Variants in LRRC8D observed in about 807,000 individuals in gnomAD.
LRRC8D encodes volume-regulated anion channel subunit LRRC8D.
In LRRC8D, 20 loss-of-function variants were observed where a neutral mutation model predicts 55.8. That is an observed-to-expected ratio of 0.36 (90% CI 0.25 to 0.52). LRRC8D has a LOEUF of 0.52. Ranked by LOEUF, LRRC8D falls within the 20% of genes least tolerant of loss-of-function variation. The pLI is 0.93. For missense variants in LRRC8D, 651 were observed against 1,030.8 expected, an observed-to-expected ratio of 0.63 and a Z score of 5.05; for synonymous variants, 352 against 377.0, an observed-to-expected ratio of 0.93 and a Z score of 0.77.
At chr1:89,826,355 C>T (rs569719396) in intron 1 of LRRC8D, among the ~76,000 whole-genome samples, 1 of 152,274 alleles carries the variant, frequency 6.6e-6, no homozygotes, top group South Asian at 2.1e-4. Flanking sequence ...AGCTCCGCCT[C>T]CCGGGTTCAC....
chr1:89,871,478 T>C (rs577632528), intron 2 of LRRC8D, among the ~76,000 whole-genome samples: 2 of 152,306 alleles, frequency 1.3e-5, no homozygotes, highest in East Asian at 3.9e-4. Flanking sequence ...ATACATTCAT[T>C]TTATATTGTG....
chr1:89,883,868 A>G (rs575616276), intron 2 of LRRC8D, among the ~76,000 whole-genome samples: 1 of 152,322 alleles, frequency 6.6e-6, no homozygotes, highest in African/African-American at 2.4e-5. Flanking sequence ...TGAATCTGTC[A>G]GTGGAGAAAC....
chr1:89,930,339 G>A (rs748035170), intron 2 of LRRC8D, among the ~76,000 whole-genome samples: 4 of 152,090 alleles, frequency 2.6e-5, no homozygotes, highest in Non-Finnish European at 5.9e-5. Context: ...GGATTAAAGC[G>A]TGAACCACTA....
chr1:89,925,288 C>T (rs1663529058), intron 2 of LRRC8D, among the ~76,000 whole-genome samples: 7 of 152,222 alleles, frequency 4.6e-5, no homozygotes, highest in Middle Eastern at 3.4e-3. Context: ...CAGATGGGAC[C>T]GTCTAGTTGC....
At position 89,907,488 on chromosome 1, in the gene LRRC8D, C is replaced by T. The variant is rs371435575; in HGVS notation, c.-2-25579C>T. ...TACAAGTGCGAGCCACCATGTCCGGCCAGTCAGTTGTTTTAAATCGTGTAT... is the reference window on the plus strand; with the variant it reads ...TACAAGTGCGAGCCACCATGTCCGGTCAGTCAGTTGTTTTAAATCGTGTAT... On this transcript the variant is annotated intron_variant, in intron 2 of 2. Transcript: ENST00000337338. Among the ~76,000 whole-genome samples, 124 of 152,208 alleles carry T rather than the reference C, an allele frequency of 8.1e-4. 1 individual carries two copies. The highest frequency in any genetic ancestry group is 2.6e-3 in the African/African-American group (109 of 41,512).
intron 2 of LRRC8D, among the ~76,000 whole-genome samples, chr1:89,901,182 C>A (rs1040986344): frequency 3.3e-5 from 5 of 152,176 alleles, no homozygotes; most frequent in African/African-American, 1.2e-4. Flanking sequence ...GGAGAGCCTG[C>A]AGGCCTTTCA....
intron 2 of LRRC8D, among the ~76,000 whole-genome samples, chr1:89,918,096 C>T (rs1663318777): frequency 6.6e-6 from 1 of 152,154 alleles, no homozygotes; most frequent in Admixed American, 6.5e-5. Context: ...TAGAAGAAGA[C>T]TTAGAGTTAA....
At chr1:89,894,155 A>T (rs1662648610) in intron 2 of LRRC8D, among the ~76,000 whole-genome samples, 1 of 152,222 alleles carries the variant, frequency 6.6e-6, no homozygotes, top group African/African-American at 2.4e-5. Context: ...CCATGTGAGG[A>T]TAGACAGGGA....
chr1:89,849,610 T>G (rs983618038), intron 2 of LRRC8D, among the ~76,000 whole-genome samples: 1 of 152,134 alleles, frequency 6.6e-6, no homozygotes, highest in Non-Finnish European at 1.5e-5. Context: ...TTTTTCTGAT[T>G]GCTAGTGAGG....
At chr1:89,860,785 A>AAAAAAATAT (rs1553123917) in intron 2 of LRRC8D, among the ~76,000 whole-genome samples, 17 of 28,188 alleles carry the variant, frequency 6.0e-4, no homozygotes, top group Non-Finnish European at 1.0e-3. Context: ...AAAAAAAAAA[A>AAAAAAATAT]ATATATATAT....
At chr1:89,915,946 G>C (rs1663255392) in intron 2 of LRRC8D, among the ~76,000 whole-genome samples, 2 of 152,148 alleles carry the variant, frequency 1.3e-5, no homozygotes, top group African/African-American at 4.8e-5. Flanking sequence ...GAATTAGAAA[G>C]CATGTTCTCA....
chr1:89,874,057 C>T (rs1189612109), intron 2 of LRRC8D, among the ~76,000 whole-genome samples: 1 of 152,168 alleles, frequency 6.6e-6, no homozygotes, highest in East Asian at 1.9e-4. Context: ...CATTCTGCTT[C>T]CTATGGCAGT....
chr1:89,827,022 GA>G (rs1033278277), intron 1 of LRRC8D, among the ~76,000 whole-genome samples: 18 of 152,232 alleles, frequency 1.2e-4, no homozygotes, highest in Middle Eastern at 3.4e-3. Context: ...TGCTGTTGCA[GA>G]AAAACAAAAA....
At chr1:89,900,122 A>G (rs969188777) in intron 2 of LRRC8D, among the ~76,000 whole-genome samples, 2 of 152,168 alleles carry the variant, frequency 1.3e-5, no homozygotes, top group Non-Finnish European at 2.9e-5. Context: ...GATTAAAAGG[A>G]CTGGGTTATT....
intron 1 of LRRC8D, among the ~76,000 whole-genome samples, chr1:89,834,574 T>A (rs1437022427): frequency 9.9e-5 from 15 of 152,242 alleles, no homozygotes; most frequent in Non-Finnish European, 1.0e-4. Flanking sequence ...GATATGCCCC[T>A]GCTTTGAAGA....
intron 2 of LRRC8D, among the ~76,000 whole-genome samples, chr1:89,860,785 AATAT>A (rs35932362): frequency 0.016 from 455 of 28,166 alleles, 16 homozygotes; most frequent in African/African-American, 0.034. Flanking sequence ...AAAAAAAAAA[AATAT>A]ATATATATAT....
intron 2 of LRRC8D, among the ~76,000 whole-genome samples, chr1:89,888,702 C>T (rs1385395195): frequency 6.6e-6 from 1 of 152,148 alleles, no homozygotes; most frequent in Non-Finnish European, 1.5e-5. Context: ...GAACTTGGAG[C>T]ATCTTGTAGT....
chr1:89,930,325 G>A (rs1270646203), intron 2 of LRRC8D, among the ~76,000 whole-genome samples: 1 of 152,164 alleles, frequency 6.6e-6, no homozygotes, highest in Non-Finnish European at 1.5e-5. Context: ...CTCCCAAGTA[G>A]CTGGGATTAA....
intron 2 of LRRC8D, among the ~76,000 whole-genome samples, chr1:89,857,646 T>C (rs992223660): frequency 5.9e-5 from 9 of 152,262 alleles, no homozygotes; most frequent in African/African-American, 2.2e-4. Flanking sequence ...TTACTTGCAC[T>C]CCACTAGTGG....
Sources: gnomAD v4.1 joint callset for allele counts (sites outside exome capture counted in the v4.1 genomes callset) on GRCh38, gnomAD v4.1.1 for gene constraint, MANE v1.5 for transcripts, NCBI Gene and HGNC (gene_info 2026-07-23, HGNC 2026-07-21) for gene names.